Variants in ZNF83 observed in about 807,000 individuals in gnomAD.
ZNF83 encodes the protein zinc finger protein 816B.
For synonymous variants in ZNF83, 209 were observed against 213.0 expected (o/e 0.98, Z 0.17); for missense variants, 552 against 629.9 (o/e 0.88, Z 1.32).
chr19:52,615,403 G>C (rs2060270120), intron 2 of ZNF83, among the ~76,000 whole-genome samples: 1 of 152,108 alleles, frequency 6.6e-6, no homozygotes, highest in Non-Finnish European at 1.5e-5. Flanking sequence ...AACCACTAGA[G>C]TACTTGCTTC....
At chr19:52,653,506 C>T (rs1283157756) in intron 3 of ZNF83, among the ~76,000 whole-genome samples, 1 of 152,144 alleles carries the variant, frequency 6.6e-6, no homozygotes, top group Non-Finnish European at 1.5e-5. Context: ...AGTATGAATT[C>T]GCCTATGTGT....
chr19:52,613,075 T>C (rs1435274101), exon 3 of ZNF83: 2 of 1,612,996 alleles, frequency 1.2e-6, no homozygotes, highest in South Asian at 1.1e-5. Flanking sequence ...AAGATATGAA[T>C]TGTCGCGGAA....
At chr19:52,650,917 C>T (rs2061434030) in intron 3 of ZNF83, 1 of 152,140 alleles carries the variant, frequency 6.6e-6, no homozygotes, top group Non-Finnish European at 1.5e-5. Context: ...AAGGAAGCTA[C>T]AAGTTCCTCC....
intron 3 of ZNF83, among the ~76,000 whole-genome samples, chr19:52,643,934 T>G (rs371829983): frequency 5.9e-5 from 9 of 152,058 alleles, no homozygotes; most frequent in African/African-American, 1.7e-4. Flanking sequence ...GGGGCAGAGG[T>G]AGTCATGAGA....
chr19:52,642,165 G>T (rs190841615), upstream of ZNF83, among the ~76,000 whole-genome samples: 1 of 150,362 alleles, frequency 6.7e-6, no homozygotes. Flanking sequence ...CACCTGTGCA[G>T]ATAAGCTATC....
intron 2 of ZNF83, among the ~76,000 whole-genome samples, chr19:52,633,596 T>C (rs1015653943): frequency 2.6e-5 from 4 of 152,190 alleles, no homozygotes; most frequent in South Asian, 4.1e-4. Context: ...CAGCTTTGCT[T>C]AGAGTTTTAC....
rs59937542 is a variant in ZNF83, at chr19:52,666,618, C to CA, written c.-282-5776dup. ...TCATCAAGGAAGAACTATCCTAAGTCAAAAAAAAAAAAAAAAAAAAAAGGC... is the reference window on the plus strand; with the variant it reads ...TCATCAAGGAAGAACTATCCTAAGTCAAAAAAAAAAAAAAAAAAAAAAAGGC... On this transcript the variant is annotated intron_variant, in intron 1 of 5. Transcript: ENST00000594682. Among the ~76,000 whole-genome samples the CA allele has an allele frequency of 2.7e-3, 287 of 105,714 alleles. 1 individual carries two copies. Among genetic ancestry groups the CA allele is most frequent in the East Asian group, 6.1e-3 (19 of 3,106 alleles). 69.4% of individuals were successfully genotyped at this position (105,714 alleles called of 152,430 possible).
intron 1 of ZNF83, among the ~76,000 whole-genome samples, chr19:52,690,071 C>T (rs1446186415): frequency 1.3e-5 from 2 of 151,842 alleles, no homozygotes; most frequent in South Asian, 4.2e-4. Context: ...CGCGGCGCTG[C>T]GCTTCAGAGG....
At chr19:52,629,561 T>G (rs189109886) in intron 2 of ZNF83, among the ~76,000 whole-genome samples, 1 of 152,154 alleles carries the variant, frequency 6.6e-6, no homozygotes, top group African/African-American at 2.4e-5. Context: ...CTTACAGTTT[T>G]GTTCCGTGAC....
intron 2 of ZNF83, among the ~76,000 whole-genome samples, chr19:52,659,332 T>C (rs1021257744): frequency 3.3e-5 from 5 of 152,002 alleles, no homozygotes; most frequent in African/African-American, 7.3e-5. Context: ...CAGTAAGTCA[T>C]TGGTGCCCAC....
chr19:52,624,520 G>A (rs2060663479), intron 2 of ZNF83, among the ~76,000 whole-genome samples: 1 of 152,176 alleles, frequency 6.6e-6, no homozygotes, highest in Non-Finnish European at 1.5e-5. Flanking sequence ...AAACCTAGCT[G>A]ACCGCACAGA....
At chr19:52,614,222 G>C (rs1178330513) in exon 3 of ZNF83, 7 of 1,614,012 alleles carry the variant, frequency 4.3e-6, no homozygotes, top group Non-Finnish European at 5.9e-6. Context: ...TCTTTAGTAT[G>C]GATTATTTGA....
chr19:52,674,406 A>G (rs2061770784), intron 1 of ZNF83, among the ~76,000 whole-genome samples: 1 of 152,220 alleles, frequency 6.6e-6, no homozygotes. Flanking sequence ...TATTCAATCA[A>G]TACTGACTGT....
intron 1 of ZNF83, among the ~76,000 whole-genome samples, chr19:52,689,471 C>T (rs2062106842): frequency 6.6e-6 from 1 of 152,088 alleles, no homozygotes; most frequent in African/African-American, 2.4e-5. Context: ...GCCACCAGCA[C>T]CACTCTGCTC....
At chr19:52,619,164 G>A (rs1354678756) in intron 2 of ZNF83, 3 of 1,609,138 alleles carry the variant, frequency 1.9e-6, no homozygotes, top group African/African-American at 2.7e-5. Context: ...TGTAGTGAAT[G>A]TTCTGACAAA....
upstream of ZNF83, among the ~76,000 whole-genome samples, chr19:52,639,415 ATT>A (rs1160711365): frequency 7.6e-3 from 655 of 86,318 alleles, 7 homozygotes; most frequent in African/African-American, 0.014. Flanking sequence ...AGTTTTTTCT[ATT>A]TTTTTTTTTT....
At chr19:52,615,203 T>G (rs1039326811) in intron 2 of ZNF83, among the ~76,000 whole-genome samples, 1 of 152,222 alleles carries the variant, frequency 6.6e-6, no homozygotes, top group Non-Finnish European at 1.5e-5. Context: ...GAAAACATTC[T>G]TTGGAGCAAA....
intron 2 of ZNF83, among the ~76,000 whole-genome samples, chr19:52,630,223 ATCT>A (rs1238035895): frequency 6.6e-6 from 1 of 152,094 alleles, no homozygotes; most frequent in African/African-American, 2.4e-5. Flanking sequence ...TCCTTCCCAG[ATCT>A]TCTTGGCTTA....
intron 1 of ZNF83, among the ~76,000 whole-genome samples, chr19:52,670,687 C>T (rs1303455614): frequency 6.6e-6 from 1 of 152,020 alleles, no homozygotes; most frequent in Admixed American, 6.6e-5. Flanking sequence ...GAACATATGT[C>T]CAAGGTGATG....
Sources: allele counts gnomAD v4.1 joint callset (sites outside exome capture counted in the v4.1 genomes callset), GRCh38; gene constraint gnomAD v4.1.1; transcripts MANE v1.5; gene names NCBI Gene and HGNC (gene_info 2026-07-23, HGNC 2026-07-21).